The following DCDC1 variants were observed in gnomAD, a reference collection of about 807,000 sequenced individuals.
DCDC1 encodes the protein doublecortin domain-containing protein 1.
A neutral mutation model predicts 178.3 loss-of-function variants in DCDC1; 200 were observed. The ratio of observed to expected loss-of-function variants is 1.12; its 90% CI spans 1.00 to 1.26. The LOEUF is 1.26. DCDC1 is among the 50% of genes most tolerant of loss of function. DCDC1 has a pLI of 0.00. For synonymous variants in DCDC1, 690 were observed against 604.8 expected, an observed-to-expected ratio of 1.14 and a Z score of -2.07; for missense variants, 1,983 against 1,749.2, an observed-to-expected ratio of 1.13 and a Z score of -2.38.
chr11:30,901,481 T>G (rs1466666440), intron 32 of DCDC1, among the ~76,000 whole-genome samples: 1 of 152,172 alleles, frequency 6.6e-6, no homozygotes, highest in Non-Finnish European at 1.5e-5. Flanking sequence ...ACTGCCTGCA[T>G]AGTAAGCACT....
intron 2 of DCDC1, among the ~76,000 whole-genome samples, chr11:31,332,430 T>G (rs11500249): frequency 0.097 from 14,770 of 152,072 alleles, 1,979 homozygotes; most frequent in African/African-American, 0.3. Flanking sequence ...GCTTTTGAAT[T>G]TGTTTGCTCT....
rs1403288093 is a variant in DCDC1, at chr11:31,296,476, C to G, written c.755-5624G>C. Among the ~76,000 whole-genome samples the G allele has an allele frequency of 7.9e-5, 12 of 152,314 alleles. No homozygotes were observed. The South Asian group carries it at 1.5e-3, about 18-fold the overall frequency. ...CTCTAGGACATTCCAAACTTTCCCA[C>G]ATCTTTCTGTCTTCTTCTGAGCCCT... On this transcript the variant is annotated intron_variant, in intron 6 of 38. Transcript: ENST00000684477.
chr11:31,205,964 T>C (rs1971817538), intron 9 of DCDC1, among the ~76,000 whole-genome samples: 1 of 152,174 alleles, frequency 6.6e-6, no homozygotes, highest in South Asian at 2.1e-4. Flanking sequence ...ACCTACTATG[T>C]ACACATAAAA....
At chr11:31,284,789 C>G (rs1434302543) in intron 7 of DCDC1, among the ~76,000 whole-genome samples, 1 of 151,984 alleles carries the variant, frequency 6.6e-6, no homozygotes, top group Non-Finnish European at 1.5e-5. Context: ...CAGGCACCCA[C>G]CACCATGCCC....
intron 9 of DCDC1, among the ~76,000 whole-genome samples, chr11:31,193,034 C>T (rs939624196): frequency 2.0e-5 from 3 of 152,080 alleles, no homozygotes; most frequent in Admixed American, 2.0e-4. Flanking sequence ...GACCCTGGAA[C>T]TTAAACAAGT....
At chr11:31,218,177 A>G (rs1973815873) in intron 9 of DCDC1, among the ~76,000 whole-genome samples, 1 of 152,046 alleles carries the variant, frequency 6.6e-6, no homozygotes, top group Admixed American at 6.6e-5. Context: ...GATTTTTTTA[A>G]TTAATGAGAA....
intron 9 of DCDC1, among the ~76,000 whole-genome samples, chr11:31,213,862 T>A (rs1973180039): frequency 3.7e-5 from 5 of 136,642 alleles, no homozygotes; most frequent in Admixed American, 3.6e-4. Flanking sequence ...GTATCACTCA[T>A]ATTAGAGAAA....
At chr11:31,315,379 A>G (rs1412536414) in intron 3 of DCDC1, among the ~76,000 whole-genome samples, 1 of 119,834 alleles carries the variant, frequency 8.3e-6, no homozygotes, top group Non-Finnish European at 1.6e-5. Context: ...GTACAGTGGT[A>G]CAGTCTCGGC....
At chr11:30,993,417 A>T (rs1268422887) in intron 20 of DCDC1, among the ~76,000 whole-genome samples, 1 of 152,104 alleles carries the variant, frequency 6.6e-6, no homozygotes, top group African/African-American at 2.4e-5. Context: ...GCCTTAAGAA[A>T]CTAGAGAAAG....
chr11:30,944,476 G>A, intron 21 of DCDC1: 1 of 323,402 alleles, frequency 3.1e-6, no homozygotes, highest in East Asian at 7.5e-5. Context: ...CCTAATCACA[G>A]TTTATTTATA....
rs79268804 is a variant in DCDC1, at chr11:31,107,618, A to G, written c.1588-658T>C. ...AATAGCATTATCAGTGTTTGCTTCT[A>G]TCTTGCATTTAGAGTCTCTAAATTA... On this transcript the variant is annotated intron_variant, in intron 12 of 38. Transcript: ENST00000684477. Among the ~76,000 whole-genome samples the G allele has an allele frequency of 8.5e-5, 13 of 152,344 alleles. No individual in the cohort carries two copies. In the East Asian group the frequency reaches 2.5e-3, roughly 29 times the overall value.
chr11:31,142,493 T>G (rs978142585), intron 9 of DCDC1, among the ~76,000 whole-genome samples: 1 of 151,082 alleles, frequency 6.6e-6, no homozygotes, highest in Non-Finnish European at 1.5e-5. Context: ...TGTGTATGTG[T>G]GTGTGTGTGT....
intron 36 of DCDC1, among the ~76,000 whole-genome samples, chr11:30,888,144 A>AAGAAAGAAAG (rs1249122475): frequency 1.1e-4 from 15 of 142,132 alleles, no homozygotes; most frequent in South Asian, 8.6e-4. Flanking sequence ...GAAAGAAAGA[A>AAGAAAGAAAG]AGAAAGAAAG....
chr11:30,928,339 T>G (rs1442507086), intron 22 of DCDC1, among the ~76,000 whole-genome samples: 2 of 151,548 alleles, frequency 1.3e-5, no homozygotes, highest in Admixed American at 6.6e-5. Context: ...CCACATAAAC[T>G]TTTTTACTTT....
At chr11:30,955,820 C>T (rs1565121011) in intron 20 of DCDC1, among the ~76,000 whole-genome samples, 1 of 152,146 alleles carries the variant, frequency 6.6e-6, no homozygotes, top group Non-Finnish European at 1.5e-5. Flanking sequence ...GCCCCTTCTC[C>T]TTCTCTGTAT....
chr11:30,959,393 C>T (rs1197129920), intron 20 of DCDC1, among the ~76,000 whole-genome samples: 3 of 152,108 alleles, frequency 2.0e-5, no homozygotes, highest in Non-Finnish European at 2.9e-5. Flanking sequence ...CCTCCCTGTT[C>T]ACATGTTCAG....
At chr11:31,227,643 A>G (rs1045146939) in intron 9 of DCDC1, among the ~76,000 whole-genome samples, 2 of 152,174 alleles carry the variant, frequency 1.3e-5, no homozygotes, top group East Asian at 3.8e-4. Context: ...AAGATAAAAT[A>G]ATTAAACCCA....
chr11:30,923,018 AAGGGAGGGAGGG>A (rs1449300864), intron 23 of DCDC1, among the ~76,000 whole-genome samples: 1 of 145,110 alleles, frequency 6.9e-6, no homozygotes, highest in African/African-American at 2.5e-5. Flanking sequence ...AGAAGGGAGC[AAGGGAGGGAGGG>A]AGGGAGAGAC....
intron 9 of DCDC1, among the ~76,000 whole-genome samples, chr11:31,213,715 G>C (rs1208729450): frequency 6.7e-6 from 1 of 148,204 alleles, no homozygotes; most frequent in African/African-American, 2.5e-5. Context: ...GCATGACTCT[G>C]TCTCAAAAAA....
Sources: gnomAD v4.1 joint callset for allele counts (sites outside exome capture counted in the v4.1 genomes callset) on GRCh38, gnomAD v4.1.1 for gene constraint, MANE v1.5 for transcripts, NCBI Gene and HGNC (gene_info 2026-07-23, HGNC 2026-07-21) for gene names.